ANKRD36C: variants seen among roughly 807,000 people sequenced by gnomAD.
The protein encoded by ANKRD36C is ankyrin repeat domain 36C.
Under a neutral mutation model 276.4 loss-of-function variants are expected in ANKRD36C, and 61 were observed. The observed-to-expected ratio is 0.22, with a 90% CI of 0.18 to 0.27. The LOEUF is 0.27. Among genes scored for constraint, ANKRD36C ranks in the 10% least tolerant of loss-of-function variants. The pLI is 1.00. For missense variants in ANKRD36C, 1,447 were observed against 2,032.3 expected (o/e 0.71, Z 5.54); for synonymous variants, 483 against 680.1 (o/e 0.71, Z 4.51).
chr2:95,870,824 A>T (rs1423324318), intron 59 of ANKRD36C, among the ~76,000 whole-genome samples: 1 of 152,212 alleles, frequency 6.6e-6, no homozygotes, highest in Non-Finnish European at 1.5e-5. Context: ...TGCTTAAAGG[A>T]GCTGATGAAG....
chr2:95,892,729 C>T (rs2315416), intron 44 of ANKRD36C, among the ~76,000 whole-genome samples: 53,911 of 150,214 alleles, frequency 0.36, 10,374 homozygotes, highest in East Asian at 0.65. Context: ...GGGAGTATCA[C>T]GTTGTTCTCT....
At chr2:95,944,316 C>T (rs1284908659) in intron 19 of ANKRD36C, among the ~76,000 whole-genome samples, 1 of 152,038 alleles carries the variant, frequency 6.6e-6, no homozygotes, top group Non-Finnish European at 1.5e-5. Context: ...TACTTCTTTC[C>T]TTCCCTAATG....
At chr2:95,915,921 G>A (rs573943078) in intron 38 of ANKRD36C, 59 bp downstream of exon 40, 54 of 1,524,788 alleles carry the variant, frequency 3.5e-5, no homozygotes, top group African/African-American at 1.7e-4. Flanking sequence ...TGATTTATTC[G>A]GGGAAGAGAA....
chr2:95,882,523 C>T (rs62153676), intron 54 of ANKRD36C, 26 bp from the exon 75 acceptor site: 8 of 1,550,266 alleles, frequency 5.2e-6, no homozygotes, highest in African/African-American at 2.8e-5. Flanking sequence ...AATATATAAT[C>T]CATCATATGT....
chr2:95,895,521 T>TTA, intron 44 of ANKRD36C, 41 bp downstream of exon 61: 1 of 1,474,642 alleles, frequency 6.8e-7, no homozygotes, highest in Non-Finnish European at 9.1e-7. Context: ...TTCATAGGCT[T>TTA]TACATTTACT....
intron 65 of ANKRD36C, 51 bp downstream of exon 85, chr2:95,852,075 C>G (rs1457212746): frequency 3.2e-6 from 5 of 1,546,904 alleles, no homozygotes; most frequent in Non-Finnish European, 4.4e-6. Context: ...CTACAGTGCT[C>G]CTTTGCTTTA....
chr2:95,880,477 G>C (rs1464451341), exon 58 of ANKRD36C: 1 of 1,553,384 alleles, frequency 6.4e-7, no homozygotes. Context: ...ATTCAGAACA[G>C]AATTTTTATT....
chr2:95,921,014 A>G (rs1677249267), intron 34 of ANKRD36C, among the ~76,000 whole-genome samples: 1 of 150,368 alleles, frequency 6.7e-6, no homozygotes, highest in African/African-American at 2.5e-5. Context: ...GGAGCTGCCA[A>G]AATCAAATAT....
intron 1 of ANKRD36C, among the ~76,000 whole-genome samples, chr2:95,990,034 C>A (rs1328689659): frequency 2.0e-5 from 3 of 151,936 alleles, no homozygotes; most frequent in African/African-American, 4.8e-5. Flanking sequence ...TTCTTATAAA[C>A]TGGATTTTTT....
chr2:95,991,603 T>C (rs750775155), exon 1 of ANKRD36C: 7 of 1,613,934 alleles, frequency 4.3e-6, no homozygotes, highest in South Asian at 1.1e-5. Flanking sequence ...GCTCTGTGGA[T>C]CCCCTTCAGA....
At chr2:95,868,967 C>A (rs1418873477) in intron 59 of ANKRD36C, among the ~76,000 whole-genome samples, 1 of 152,284 alleles carries the variant, frequency 6.6e-6, no homozygotes, top group East Asian at 1.9e-4. Context: ...GTAAGTCCTG[C>A]ATATATAAAG....
At chr2:95,934,979 C>T (rs932840069) in intron 24 of ANKRD36C, among the ~76,000 whole-genome samples, 2 of 152,294 alleles carry the variant, frequency 1.3e-5, no homozygotes, top group Admixed American at 6.5e-5. Context: ...CACACATACA[C>T]ATGCAGAAAT....
At chr2:95,963,981 ATAT>A (rs1678524597) in intron 6 of ANKRD36C, among the ~76,000 whole-genome samples, 8 of 11,756 alleles carry the variant, frequency 6.8e-4, no homozygotes, top group Admixed American at 1.2e-3. Flanking sequence ...AAATATATAT[ATAT>A]ATATATATAT....
chr2:95,958,648 T>C, exon 12 of ANKRD36C: 2 of 1,549,674 alleles, frequency 1.3e-6, no homozygotes, highest in South Asian at 1.2e-5. Context: ...ACAGAATCGT[T>C]CTTGTCACTT....
intron 6 of ANKRD36C, among the ~76,000 whole-genome samples, chr2:95,965,463 G>T (rs1263588426): frequency 1.3e-5 from 2 of 152,124 alleles, no homozygotes; most frequent in African/African-American, 4.8e-5. Context: ...TCTCTGAAAA[G>T]CACACAATGG....
chr2:95,891,479 T>C (rs1676355918), intron 46 of ANKRD36C, among the ~76,000 whole-genome samples, 186 bp downstream of exon 66: 1 of 151,484 alleles, frequency 6.6e-6, no homozygotes, highest in South Asian at 2.1e-4. Flanking sequence ...TGTATACTCT[T>C]ACTGCGAAGA....
intron 20 of ANKRD36C, among the ~76,000 whole-genome samples, 162 bp downstream of exon 20, chr2:95,940,998 T>A (rs1174436468): frequency 6.7e-6 from 1 of 149,446 alleles, no homozygotes; most frequent in East Asian, 1.9e-4. Context: ...AATTTTAAAT[T>A]TATTTTAAAT....
Position 95,928,578 on chromosome 2 carries a change from C to T in ANKRD36C, c.1837+494G>A, listed in dbSNP as rs186798874. On this transcript the variant is annotated intron_variant, in intron 26 of 66. Transcript: ENST00000456556. ...CAGAAACTCCAAAATTACATAAATA[C>T]CTTCTTTTTCCTCCTTCCTGCCTCA... 4.5e-4 allele frequency among the ~76,000 whole-genome samples: 68 copies of T among 151,542 alleles called. No homozygotes were observed. In the East Asian group the frequency reaches 0.012, roughly 27 times the overall value.
chr2:95,878,713 C>G (rs1429163599), intron 58 of ANKRD36C, among the ~76,000 whole-genome samples: 1 of 152,114 alleles, frequency 6.6e-6, no homozygotes, highest in Non-Finnish European at 1.5e-5. Flanking sequence ...GAAAGGTGCT[C>G]GATGTCACTG....
Sources: allele counts gnomAD v4.1 joint callset (sites outside exome capture counted in the v4.1 genomes callset), GRCh38; gene constraint gnomAD v4.1.1; transcripts MANE v1.5; gene names NCBI Gene and HGNC (gene_info 2026-07-23, HGNC 2026-07-21).